FYN: variants seen among roughly 807,000 people sequenced by gnomAD.
The protein encoded by FYN is FYN proto-oncogene, Src family tyrosine kinase.
In FYN, 10 loss-of-function variants were observed where a neutral mutation model predicts 70.2. The ratio of observed to expected loss-of-function variants is 0.14; its 90% CI spans 0.09 to 0.24. The LOEUF is 0.24. FYN is among the 10% of genes least tolerant of loss of function. FYN has a pLI of 1.00. For synonymous variants in FYN, 236 were observed against 248.6 expected (o/e 0.95, Z 0.48); for missense variants, 319 against 673.1 (o/e 0.47, Z 5.82).
intron 1 of FYN, among the ~76,000 whole-genome samples, chr6:111,862,772 G>A (rs1193769890): frequency 6.6e-6 from 1 of 152,176 alleles, no homozygotes. Flanking sequence ...TTATTAGGAG[G>A]CAATTGAGAG....
Position 111,846,643 on chromosome 6 carries a change from A to AG in FYN, c.-122-15_-122-14insC, listed in dbSNP as rs535009138. ...TCTTCAAAAAAACTGTAGAAGAAGAAAAAAAAAAGTGAGACATCAAAAGAG... is the reference window on the plus strand; with the variant it reads ...TCTTCAAAAAAACTGTAGAAGAAGAAGAAAAAAAAGTGAGACATCAAAAGAG... On this transcript the variant is annotated splice_polypyrimidine_tract_variant and intron_variant, in intron 1 of 13. Transcript: ENST00000354650. 1.4e-3 allele frequency: 544 copies of AG among 398,180 alleles called. No homozygotes were observed. Among genetic ancestry groups the AG allele is most frequent in the Non-Finnish European group, 2.0e-3 (456 of 225,788 alleles). The allele number at this position is 398,180 out of a possible 1,614,324, so 24.7% of individuals were successfully genotyped here. A position where few individuals can be genotyped will look rare whatever the true frequency, so the allele number is the denominator to read the frequency against.
At chr6:111,818,237 C>T (rs1159799559) in intron 2 of FYN, among the ~76,000 whole-genome samples, 2 of 152,184 alleles carry the variant, frequency 1.3e-5, no homozygotes, top group Non-Finnish European at 2.9e-5. Flanking sequence ...AGAGGGACCA[C>T]TGGGAGAAAA....
intron 12 of FYN, among the ~76,000 whole-genome samples, chr6:111,686,622 T>C (rs1250252069): frequency 6.6e-6 from 1 of 152,246 alleles, no homozygotes; most frequent in Admixed American, 6.5e-5. Flanking sequence ...TGGGAAGAAT[T>C]AGATTAAATT....
intron 2 of FYN, among the ~76,000 whole-genome samples, chr6:111,831,039 A>G (rs2114412141): frequency 6.6e-6 from 1 of 152,296 alleles, no homozygotes; most frequent in African/African-American, 2.4e-5. Flanking sequence ...CAGGGGTCTC[A>G]ATCAAGACCT....
Position 111,694,016 on chromosome 6 carries a change from T to C in FYN, c.1273+359A>G, listed in dbSNP as rs1448830547. ...CTTTCTGAAACCCTGCCTGTGCCTT[T>C]GTAAAAAACACAGGCATGTGAGAAT... On this transcript the variant is annotated intron_variant, in intron 12 of 13. Coordinates refer to ENST00000354650, the MANE Select transcript of FYN (RefSeq NM_002037.5). This position sits in a 1 kb window ranked among gnomAD's most constrained non-coding sequence, Gnocchi z 5.0. 6.6e-6 allele frequency among the ~76,000 whole-genome samples: 1 copy of C among 152,164 alleles called. No individual in the cohort carries two copies. The highest frequency in any genetic ancestry group is 1.5e-5 in the Non-Finnish European group (1 of 68,034).
intron 4 of FYN, among the ~76,000 whole-genome samples, chr6:111,717,572 C>T (rs576318634): frequency 7.9e-5 from 12 of 152,146 alleles, no homozygotes; most frequent in Non-Finnish European, 1.5e-4. Flanking sequence ...AGCACTTCTC[C>T]TGCCTCAGCC....
chr6:111,687,924 T>C (rs1217253620), intron 12 of FYN, among the ~76,000 whole-genome samples: 2 of 152,158 alleles, frequency 1.3e-5, no homozygotes, highest in East Asian at 3.8e-4. Context: ...CCAAGACACT[T>C]TGATCTCATG....
In FYN at chr6:111,673,280, C is replaced by T. The variant is rs1229955452; in HGVS notation, c.1405+1219G>A. The stretch of plus-strand genomic sequence containing the variant: ...GGAGTGTCTGCCCGTGTGTGCATGC[C>T]GGGAGCAGCAGTCACCGCAGCATCA... On this transcript the variant is annotated intron_variant, in intron 13 of 13. Coordinates refer to ENST00000354650, the MANE Select transcript of FYN (RefSeq NM_002037.5). Among the ~76,000 whole-genome samples the T allele has an allele frequency of 2.0e-5, 3 of 152,154 alleles. No homozygotes were observed. In the South Asian group the frequency reaches 6.2e-4, roughly 32 times the overall value.
At chr6:111,824,586 A>G (rs116862171) in intron 2 of FYN, among the ~76,000 whole-genome samples, 1,856 of 152,272 alleles carry the variant, frequency 0.012, 24 homozygotes, top group Middle Eastern at 0.02. Context: ...TTCAGGTCAC[A>G]TATAGTTCTC....
At chr6:111,673,912 A>G (rs1024043204) in intron 13 of FYN, among the ~76,000 whole-genome samples, 5 of 152,114 alleles carry the variant, frequency 3.3e-5, no homozygotes, top group African/African-American at 9.7e-5. Context: ...AGAATTTCCA[A>G]TTTCTTTACA....
At chr6:111,841,988 A>AACAC (rs35832854) in intron 2 of FYN, among the ~76,000 whole-genome samples, 246 of 148,260 alleles carry the variant, frequency 1.7e-3, no homozygotes, top group Non-Finnish European at 2.8e-3. Flanking sequence ...CTTCCTCCTA[A>AACAC]ACACACACAC....
chr6:111,702,831 T>C, intron 8 of FYN, 54 bp downstream of exon 8: 1 of 1,574,880 alleles, frequency 6.3e-7, no homozygotes, highest in South Asian at 1.1e-5. Flanking sequence ...GCTCTGGGCC[T>C]ATCCACTCCC....
intron 2 of FYN, among the ~76,000 whole-genome samples, chr6:111,789,114 G>A (rs9481188): frequency 6.6e-6 from 1 of 152,228 alleles, no homozygotes; most frequent in Admixed American, 6.5e-5. Context: ...CAGCAGAAAG[G>A]AATTAATGAC....
At chr6:111,685,432 C>T (rs959027811) in intron 12 of FYN, among the ~76,000 whole-genome samples, 1 of 152,146 alleles carries the variant, frequency 6.6e-6, no homozygotes, top group African/African-American at 2.4e-5. Flanking sequence ...TTTTTCAAAC[C>T]GCTCCCCTTT....
intron 3 of FYN, among the ~76,000 whole-genome samples, chr6:111,742,279 T>C (rs6930230): frequency 0.46 from 70,390 of 152,002 alleles, 16,493 homozygotes; most frequent in East Asian, 0.62. Flanking sequence ...ACTATAAAGT[T>C]TATGCTCATT....
chr6:111,761,865 T>G (rs979389900), intron 3 of FYN, among the ~76,000 whole-genome samples: 19 of 152,090 alleles, frequency 1.2e-4, no homozygotes, highest in African/African-American at 3.9e-4. Context: ...CTCTCGAGAA[T>G]CCCCTGGACA....
intron 2 of FYN, among the ~76,000 whole-genome samples, chr6:111,842,620 C>T (rs910493579): frequency 2.0e-5 from 3 of 152,150 alleles, no homozygotes; most frequent in Admixed American, 6.5e-5. Context: ...GCCTCTGACC[C>T]CGGAAATCTT....
In FYN at chr6:111,703,034, C is replaced by A; in HGVS notation, c.548G>T (p.Gly183Val). 6.2e-7 allele frequency: 1 copy of A among 1,613,524 alleles called. No homozygotes were observed. The highest frequency in any genetic ancestry group is 8.5e-7 in the Non-Finnish European group (1 of 1,179,736). Residue 183 changes from glycine (G) to valine (V), a missense_variant and splice_region_variant, in exon 8 of 14, where the codon GGT becomes GTT. This residue lies in a region of FYN where 112 missense variants were observed against 250.2 expected (regional missense o/e 0.45). Coordinates refer to ENST00000354650, the MANE Select transcript of FYN (RefSeq NM_002037.5). Reference protein sequence around the residue: ...FLIRESETTKGAYSLSIRDWD... With the variant: ...FLIRESETTKVAYSLSIRDWD... ...ATCACGGATAGAAAGTGAATAGGCA[C>A]CTGGTAAACGTGGAAAGCATTAGCA...
chr6:111,823,254 C>T (rs1486660866), intron 2 of FYN, among the ~76,000 whole-genome samples: 4 of 152,222 alleles, frequency 2.6e-5, no homozygotes, highest in African/African-American at 9.6e-5. Flanking sequence ...AAACCACCTA[C>T]AGAGGTGGTC....
Sources: allele counts gnomAD v4.1 joint callset (sites outside exome capture counted in the v4.1 genomes callset), GRCh38; gene constraint gnomAD v4.1.1; regional missense constraint gnomAD v4.1.1; non-coding constraint Gnocchi (gnomAD v3.1); transcripts MANE v1.5; gene names NCBI Gene and HGNC (gene_info 2026-07-23, HGNC 2026-07-21).